The following ASB11 variants were observed in gnomAD, a reference collection of about 807,000 sequenced individuals.
ASB11 encodes the protein ankyrin repeat and SOCS box protein 11.
Under a neutral mutation model 20.1 loss-of-function variants are expected in ASB11, and 17 were observed. The observed-to-expected ratio is 0.85, with a 90% CI of 0.58 to 1.27. The LOEUF (loss-of-function observed/expected upper bound fraction) is 1.27, where lower values mean the gene tolerates loss of function less well. ASB11 is among the 50% of genes most tolerant of loss of function. The pLI is 0.00. For synonymous variants in ASB11, 107 were observed against 105.6 expected (o/e 1.01, Z -0.08); for missense variants, 259 against 256.9 (o/e 1.01, Z -0.06).
chrX:15,290,928 G>C (rs1313243080), intron 4 of ASB11, among the ~76,000 whole-genome samples: 1 of 111,355 alleles, frequency 9.0e-6, no homozygotes, highest in Admixed American at 9.7e-5. Context: ...TGTTCATAGA[G>C]GTTTAGAGCT....
At chrX:15,306,611 G>A (rs1921255084) in intron 1 of ASB11, among the ~76,000 whole-genome samples, 1 of 110,269 alleles carries the variant, frequency 9.1e-6, no homozygotes, top group South Asian at 3.9e-4. Context: ...GCTGAGGCAG[G>A]AGAATCACTT....
chrX:15,302,897 G>GGGGAAGAGGA (rs1182861174), intron 1 of ASB11, 90 bp from the exon 2 acceptor site: 8 of 845,194 alleles, frequency 9.5e-6, no homozygotes, highest in Admixed American at 4.7e-5. Flanking sequence ...AGGAGGTTTG[G>GGGGAAGAGGA]GGGAAGAGGA....
intron 3 of ASB11, among the ~76,000 whole-genome samples, chrX:15,294,498 G>C (rs1920952592): frequency 9.0e-6 from 1 of 110,925 alleles, no homozygotes; most frequent in Non-Finnish European, 1.9e-5. Flanking sequence ...AGCCTCCTGA[G>C]CAGCTGGGAC....
chrX:15,306,095 C>T (rs1453696148), intron 1 of ASB11, among the ~76,000 whole-genome samples: 1 of 112,176 alleles, frequency 8.9e-6, no homozygotes, highest in Non-Finnish European at 1.9e-5. Context: ...CTGCAAAGGA[C>T]ATGATCTCAT....
rs1465254365 is a variant in ASB11, at chrX:15,302,729, T to TCATTAAA, written c.259_260insTTTAATG (p.Gln87LeufsTer2). 1 of 1,196,878 alleles carries TCATTAAA rather than the reference T, an allele frequency of 8.4e-7. No individual in the cohort carries two copies. The highest frequency in any genetic ancestry group is 1.8e-5 in the African/African-American group (1 of 56,991). ...GGATCAAGTCTTCAGTTCACTTACT[T>TCATTAAA]GTGCAATTAAAGTTTTAAGGGCCAG... On this transcript the variant is annotated stop_gained and frameshift_variant and splice_region_variant, in exon 2 of 7. Coordinates refer to ENST00000480796, the MANE Select transcript of ASB11 (RefSeq NM_080873.3). LOFTEE classifies it high-confidence loss of function.
At chrX:15,311,058 G>C (rs1351512328) in intron 1 of ASB11, among the ~76,000 whole-genome samples, 2 of 112,541 alleles carry the variant, frequency 1.8e-5, no homozygotes, top group African/African-American at 6.5e-5. Flanking sequence ...AAATTCATAA[G>C]GAATTTTAAT....
chrX:15,284,037 G>T (rs199612828), intron 6 of ASB11, among the ~76,000 whole-genome samples: 21 of 108,806 alleles, frequency 1.9e-4, no homozygotes, highest in Non-Finnish European at 3.4e-4. Flanking sequence ...CGGATCACGA[G>T]GTCAGGAGAT....
At position 15,283,415 on chromosome X, in the gene ASB11, T is replaced by A; in HGVS notation, c.*90A>T. ...TGAGCTCATTTAAAGATACTAGGAG[T>A]CTAAGCTGTTGAGCTTCTACATTAG... On this transcript the variant is annotated 3_prime_UTR_variant, in exon 7 of 7. Coordinates refer to ENST00000480796, the MANE Select transcript of ASB11 (RefSeq NM_080873.3). 2 of 1,100,387 alleles carry A rather than the reference T, an allele frequency of 1.8e-6. No homozygotes were observed. The highest frequency in any genetic ancestry group is 2.5e-6 in the Non-Finnish European group (2 of 800,122). The allele number at this position is 1,100,387 out of a possible 1,213,427, so 90.7% of individuals were successfully genotyped here.
intron 4 of ASB11, 38 bp downstream of exon 4, chrX:15,293,132 C>T (rs1244486029): frequency 7.6e-6 from 9 of 1,190,790 alleles, no homozygotes; most frequent in Middle Eastern, 2.4e-4. Flanking sequence ...TGGAGTGAGC[C>T]CATCAATGTT....
At position 15,297,689 on chromosome X, in the gene ASB11, T is replaced by C; in HGVS notation, c.262-8A>G. 1 of 1,197,430 alleles carries C rather than the reference T, an allele frequency of 8.4e-7. No homozygotes were observed. Among genetic ancestry groups the C allele is most frequent in the Non-Finnish European group, 1.1e-6 (1 of 883,244 alleles). On this transcript the variant is annotated splice_polypyrimidine_tract_variant and splice_region_variant and intron_variant, in intron 2 of 6. Transcript: ENST00000480796. The stretch of plus-strand genomic sequence containing the variant: ...AAGGTTCACATTGACACCCTATAAT[T>C]TAGAAAGAAGAGAGTTTATTTATTT...
At chrX:15,297,485 T>TG (rs1920977882) in intron 3 of ASB11, 89 bp downstream of exon 3, 1 of 782,077 alleles carries the variant, frequency 1.3e-6, no homozygotes, top group Non-Finnish European at 1.8e-6. Flanking sequence ...TTACCCACAG[T>TG]GGGTAAGCCA....
At chrX:15,287,749 A>G in intron 6 of ASB11, 132 bp downstream of exon 6, 7 of 741,524 alleles carry the variant, frequency 9.4e-6, no homozygotes, top group Non-Finnish European at 1.3e-5. Flanking sequence ...CAGTGACGGC[A>G]GGGCCTATCA....
chrX:15,310,652 A>C (rs943031292), intron 1 of ASB11, among the ~76,000 whole-genome samples: 2 of 112,698 alleles, frequency 1.8e-5, no homozygotes, highest in Non-Finnish European at 3.7e-5. Flanking sequence ...TTTTTACTCT[A>C]ATTTCAACAA....
At chrX:15,289,387 T>A in intron 5 of ASB11, 117 bp downstream of exon 5, 2 of 847,358 alleles carry the variant, frequency 2.4e-6, no homozygotes, top group African/African-American at 2.1e-5. Context: ...GTTTTTAGCA[T>A]TCAAACATAA....
At chrX:15,284,135 C>T (rs893948296) in intron 6 of ASB11, among the ~76,000 whole-genome samples, 1 of 106,278 alleles carries the variant, frequency 9.4e-6, no homozygotes, top group South Asian at 4.2e-4. Context: ...GCCTATAGTC[C>T]CAGCTACTCG....
intron 4 of ASB11, among the ~76,000 whole-genome samples, chrX:15,292,341 T>C (rs1363278657): frequency 1.8e-5 from 2 of 112,002 alleles, no homozygotes; most frequent in African/African-American, 3.2e-5. Context: ...AAGATCACTA[T>C]TCTAGAGTGT....
intron 4 of ASB11, among the ~76,000 whole-genome samples, chrX:15,291,512 C>T (rs1377760008): frequency 9.1e-6 from 1 of 109,394 alleles, no homozygotes; most frequent in Non-Finnish European, 1.9e-5. Flanking sequence ...CTGAGACCAG[C>T]CTGGCCAACA....
intron 2 of ASB11, among the ~76,000 whole-genome samples, chrX:15,302,033 C>A (rs1206475563): frequency 4.5e-5 from 5 of 111,233 alleles, no homozygotes; most frequent in African/African-American, 1.6e-4. Context: ...AATGTCACTT[C>A]GGAGATGAGG....
chrX:15,300,916 A>AAG (rs1921043417), intron 2 of ASB11, among the ~76,000 whole-genome samples: 1 of 111,524 alleles, frequency 9.0e-6, no homozygotes, highest in Admixed American at 9.6e-5. Context: ...ACTGAGAGAG[A>AAG]AGAGGTGGGT....
Sources: gnomAD v4.1 joint callset for allele counts (sites outside exome capture counted in the v4.1 genomes callset) on GRCh38, gnomAD v4.1.1 for gene constraint, MANE v1.5 for transcripts, NCBI Gene and HGNC (gene_info 2026-07-23, HGNC 2026-07-21) for gene names.